Variants in ADAMTS8 observed in about 807,000 individuals in gnomAD.
ADAMTS8 encodes ADAM metallopeptidase with thrombospondin type 1 motif 8, also known as A disintegrin and metalloproteinase with thrombospondin motifs 8.
A neutral mutation model predicts 64.4 loss-of-function variants in ADAMTS8; 50 were observed. That is an observed-to-expected ratio of 0.78 (90% CI 0.62 to 0.98). The LOEUF (loss-of-function observed/expected upper bound fraction) is 0.98, where lower values mean the gene tolerates loss of function less well. Ranked by LOEUF, ADAMTS8 falls within the 50% of genes least tolerant of loss-of-function variation. The pLI is 0.00. For synonymous variants in ADAMTS8, 556 were observed against 533.6 expected, an observed-to-expected ratio of 1.04 and a Z score of -0.58; for missense variants, 1,192 against 1,208.2, an observed-to-expected ratio of 0.99 and a Z score of 0.20.
In ADAMTS8 at chr11:130,411,195, C is replaced by T. The variant is rs941807134; in HGVS notation, c.1750+222G>A. 9.2e-5 allele frequency among the ~76,000 whole-genome samples: 14 copies of T among 152,118 alleles called. No homozygotes were observed. The highest frequency in any genetic ancestry group is 2.9e-4 in the African/African-American group (12 of 41,420). ...TCTCTGAACACTATGAGAGCTGTCCCGGGTCCCTGAGAGCTGCCCCTGGGA... is the reference window on the plus strand; with the variant it reads ...TCTCTGAACACTATGAGAGCTGTCCTGGGTCCCTGAGAGCTGCCCCTGGGA... On this transcript the variant is annotated intron_variant, in intron 6 of 8. Coordinates refer to ENST00000257359, the MANE Select transcript of ADAMTS8 (RefSeq NM_007037.6). The surrounding 1 kb of genome is among the most constrained non-coding windows in gnomAD (Gnocchi z 4.2).
At chr11:130,421,667 A>G (rs1862100715) in intron 1 of ADAMTS8, among the ~76,000 whole-genome samples, 1 of 152,190 alleles carries the variant, frequency 6.6e-6, no homozygotes, top group Admixed American at 6.5e-5. Flanking sequence ...GACCAGAGGA[A>G]TGCCTTATAT....
chr11:130,427,929 G>T lies in ADAMTS8; in HGVS notation c.358C>A (p.Arg120Ser), dbSNP rs1165330196. The change falls in exon 1 of 9, where the codon CGC becomes AGC. Residue 120 changes from arginine (R) to serine (S), a missense_variant. By Grantham distance (110) the Arg-to-Ser change is moderately radical. This residue lies in a region of ADAMTS8 where 741 missense variants were observed against 710.6 expected (regional missense o/e 1.04). Transcript: ENST00000257359. ...PESLAAVSLC[R>S]GLSGSFLLDG... Reference sequence around the variant, plus strand: ...AGCAGGAAGGAGCCGCTCAGCCCGCGGCACAGGCTGACCGCCGCCAGCGAC... The same window carrying T: ...AGCAGGAAGGAGCCGCTCAGCCCGCTGCACAGGCTGACCGCCGCCAGCGAC... 13 of 1,532,764 alleles carry T rather than the reference G, an allele frequency of 8.5e-6. No individual in the cohort carries two copies. The East Asian group carries it at 2.5e-4, about 29-fold the overall frequency. The allele number at this position is 1,532,764 out of a possible 1,614,324, so 94.9% of individuals were successfully genotyped here.
At chr11:130,407,545 C>A (rs1861899725) in intron 8 of ADAMTS8, among the ~76,000 whole-genome samples, 1 of 152,060 alleles carries the variant, frequency 6.6e-6, no homozygotes. Flanking sequence ...GAATACAATA[C>A]AGTGAACACT....
At chr11:130,422,698 A>G (rs1384552816) in intron 1 of ADAMTS8, among the ~76,000 whole-genome samples, 1 of 152,232 alleles carries the variant, frequency 6.6e-6, no homozygotes, top group Non-Finnish European at 1.5e-5. Flanking sequence ...GCAAAGAGCA[A>G]TGTTGTCCCT....
Position 130,416,381 on chromosome 11 carries a change from C to G in ADAMTS8, c.1097-51G>C, listed in dbSNP as rs1862025503. 1.3e-6 allele frequency: 2 copies of G among 1,492,100 alleles called. No homozygotes were observed. Among genetic ancestry groups the G allele is most frequent in the Non-Finnish European group, 1.8e-6 (2 of 1,115,846 alleles). The allele number at this position is 1,492,100 out of a possible 1,614,324, so 92.4% of individuals were successfully genotyped here. A position where few individuals can be genotyped will look rare whatever the true frequency, so the allele number is the denominator to read the frequency against. On this transcript the variant is annotated intron_variant, in intron 3 of 8. Transcript: ENST00000257359. The surrounding 1 kb of genome is among the most constrained non-coding windows in gnomAD (Gnocchi z 4.8). ...CGCCCTGTCCTGCCTGAGGGCGCCC[C>G]ACCTGGCCCAGCTAGGGACAGAGAT...
At position 130,416,479 on chromosome 11, in the gene ADAMTS8, C is replaced by A; in HGVS notation, c.1097-149G>T. 1.1e-6 allele frequency: 1 copy of A among 906,294 alleles called. No individual in the cohort carries two copies. The highest frequency in any genetic ancestry group is 1.6e-6 in the Non-Finnish European group (1 of 623,246). The allele number at this position is 906,294 out of a possible 1,614,324, so 56.1% of individuals were successfully genotyped here. A position where few individuals can be genotyped will look rare whatever the true frequency, so the allele number is the denominator to read the frequency against. ...GCGTAGGGCTTTCCCCTGCGCTTTG[C>A]TCTTCCAGGACGCGTTCTCAGATGA... is the stretch of plus-strand genomic sequence containing the variant. On this transcript the variant is annotated intron_variant, in intron 3 of 8. Coordinates refer to ENST00000257359, the MANE Select transcript of ADAMTS8 (RefSeq NM_007037.6). The surrounding 1 kb of genome is among the most constrained non-coding windows in gnomAD (Gnocchi z 4.8).
chr11:130,415,820 G>T (rs966721607), intron 4 of ADAMTS8, among the ~76,000 whole-genome samples: 2 of 152,078 alleles, frequency 1.3e-5, no homozygotes, highest in African/African-American at 4.8e-5. Context: ...ACAGGACGCA[G>T]TCACTGCCTC....
rs139897197 is a variant in ADAMTS8 at position 130,414,879 on chromosome 11, G to A, written c.1265-47C>T. On this transcript the variant is annotated intron_variant, in intron 4 of 8. Coordinates refer to ENST00000257359, the MANE Select transcript of ADAMTS8 (RefSeq NM_007037.6). ...GTGTAAGAACATGCACAGGGCTGCC[G>A]CCCTCTCAGCTCTTCATGGCCTGTG... 7.0e-4 allele frequency: 1,052 copies of A among 1,506,610 alleles called. 12 individuals carry two copies. In the East Asian group the frequency reaches 0.022, roughly 32 times the overall value. The allele number at this position is 1,506,610 out of a possible 1,614,324, so 93.3% of individuals were successfully genotyped here.
chr11:130,408,416 A>T (rs770451497), intron 8 of ADAMTS8, 48 bp downstream of exon 8: 22 of 1,606,306 alleles, frequency 1.4e-5, no homozygotes, highest in Middle Eastern at 2.2e-4. Flanking sequence ...TGCAAAGCCC[A>T]TTATGCTCTT....
chr11:130,409,827 T>C (rs1208357786), intron 6 of ADAMTS8, among the ~76,000 whole-genome samples: 1 of 152,226 alleles, frequency 6.6e-6, no homozygotes, highest in Non-Finnish European at 1.5e-5. Context: ...CTGCCCAAAC[T>C]GTGCATCTGA....
At chr11:130,424,174 T>C (rs1324295846) in intron 1 of ADAMTS8, among the ~76,000 whole-genome samples, 1 of 152,188 alleles carries the variant, frequency 6.6e-6, no homozygotes, top group African/African-American at 2.4e-5. Flanking sequence ...CCACAGACCC[T>C]AGTCCTGAGA....
intron 2 of ADAMTS8, among the ~76,000 whole-genome samples, chr11:130,418,007 C>CAAAAAAAAA (rs5795694): frequency 1.4e-4 from 13 of 93,926 alleles, no homozygotes; most frequent in East Asian, 3.3e-4. Context: ...CTACAAAAAG[C>CAAAAAAAAA]AAAAAAAAAA....
At chr11:130,410,730 C>T (rs151107050) in intron 6 of ADAMTS8, among the ~76,000 whole-genome samples, 32 of 152,328 alleles carry the variant, frequency 2.1e-4, no homozygotes, top group Admixed American at 5.9e-4. Context: ...TTCCCTCTCA[C>T]GAGTTTGCTG....
At chr11:130,415,603 C>CTTTT (rs386375276) in intron 4 of ADAMTS8, among the ~76,000 whole-genome samples, 5,791 of 104,656 alleles carry the variant, frequency 0.055, 267 homozygotes, top group East Asian at 0.091. Context: ...GCACCTGGCC[C>CTTTT]TTTTTTTTTT....
At chr11:130,412,003 G>A (rs1861958420) in intron 5 of ADAMTS8, 1 of 216,402 alleles carries the variant, frequency 4.6e-6, no homozygotes, top group Non-Finnish European at 9.3e-6. Context: ...CAGCTGTGGA[G>A]GGTGTACGTG....
intron 1 of ADAMTS8, among the ~76,000 whole-genome samples, chr11:130,420,943 A>G (rs1207442895): frequency 6.6e-6 from 1 of 152,104 alleles, no homozygotes; most frequent in Admixed American, 6.6e-5. Flanking sequence ...GGCCAACAGT[A>G]TCCTGATCTC....
At chr11:130,421,929 C>T (rs894547130) in intron 1 of ADAMTS8, among the ~76,000 whole-genome samples, 8 of 152,314 alleles carry the variant, frequency 5.3e-5, no homozygotes, top group South Asian at 2.1e-4. Flanking sequence ...AGAATGTGAA[C>T]GGGGTCCTGG....
chr11:130,421,980 C>A (rs976819209), intron 1 of ADAMTS8, among the ~76,000 whole-genome samples: 2 of 152,232 alleles, frequency 1.3e-5, no homozygotes, highest in African/African-American at 4.8e-5. Flanking sequence ...CAGCCGCCCC[C>A]CAAACCACGG....
intron 1 of ADAMTS8, among the ~76,000 whole-genome samples, chr11:130,420,516 C>G (rs1444222806): frequency 6.6e-6 from 1 of 152,140 alleles, no homozygotes; most frequent in Non-Finnish European, 1.5e-5. Context: ...ATCCCTAGAT[C>G]ACCACCTCTT....
Sources: allele counts gnomAD v4.1 joint callset (sites outside exome capture counted in the v4.1 genomes callset), GRCh38; gene constraint gnomAD v4.1.1; regional missense constraint gnomAD v4.1.1; non-coding constraint Gnocchi (gnomAD v3.1); transcripts MANE v1.5; gene names NCBI Gene and HGNC (gene_info 2026-07-23, HGNC 2026-07-21).